The following AGAP2 variants were observed in gnomAD, a reference collection of about 807,000 sequenced individuals.
AGAP2 encodes arf-GAP with GTPase, ANK repeat and PH domain-containing protein 2.
In AGAP2, 32 loss-of-function variants were observed where a neutral mutation model predicts 110.9. The observed-to-expected ratio is 0.29, with a 90% CI of 0.22 to 0.39. The LOEUF is 0.39. Ranked by LOEUF, AGAP2 falls within the 10% of genes least tolerant of loss-of-function variation. The pLI, the probability that AGAP2 is intolerant of heterozygous loss-of-function variation, is 1.00. For missense variants in AGAP2, 1,285 were observed against 1,638.5 expected (o/e 0.78, Z 3.72); for synonymous variants, 702 against 713.0 (o/e 0.98, Z 0.25).
In AGAP2 at chr12:57,726,692, C is replaced by G. The variant is rs1954770228; in HGVS notation, c.3439G>C (p.Gly1147Arg). 1 of 1,233,418 alleles carries G rather than the reference C, an allele frequency of 8.1e-7. No individual in the cohort carries two copies. The highest frequency in any genetic ancestry group is 1.0e-6 in the Non-Finnish European group (1 of 987,128). 76.4% of individuals were successfully genotyped at this position (1,233,418 alleles called of 1,614,324 possible). ...QLCADILLQHGCPGEGGSAAT... is the reference protein window; with the variant it reads ...QLCADILLQHRCPGEGGSAAT... ...GCGCTGCCGCCCTCACCCGGGCAGC[C>G]GTGCTGGAGAAGGATGTCGGCGCAC... is the stretch of plus-strand genomic sequence containing the variant. Residue 1147 changes from glycine (G) to arginine (R), a missense_variant, in exon 19 of 19, where the codon GGC becomes CGC. By Grantham distance (125) the Gly-to-Arg change is moderately radical. Transcript: ENST00000547588. The surrounding 1 kb of genome is among the most constrained non-coding windows in gnomAD (Gnocchi z 5.7).
At position 57,727,439 on chromosome 12, in the gene AGAP2, C is replaced by T. The variant is rs763285168; in HGVS notation, c.3001G>A (p.Ala1001Thr). 1.4e-5 allele frequency: 22 copies of T among 1,613,728 alleles called. 2 individuals are homozygous for T. In the South Asian group the frequency reaches 2.3e-4, roughly 17 times the overall value. The change falls in exon 17 of 19, where the codon GCT becomes ACT. Residue 1001 changes from alanine to threonine, a missense_variant. Ala to Thr is a moderately conservative substitution (Grantham distance 58). Around this residue, in one of 7 missense-constraint regions of AGAP2, gnomAD observed 17 missense variants for 56.4 expected, o/e 0.30. Transcript: ENST00000547588. The stretch of plus-strand genomic sequence containing the variant: ...CGGTTGGCCGTGTCGTTGCCAATAG[C>T]CGTCAGCACCAGGGTCAGCTCCCGT... ...WPRELTLVLT[A>T]IGNDTANRVW...
chr12:57,731,761 G>C lies in AGAP2; in HGVS notation c.1953+48C>G, dbSNP rs376659402. On this transcript the variant is annotated intron_variant, in intron 8 of 18. Coordinates refer to ENST00000547588, the MANE Select transcript of AGAP2 (RefSeq NM_001122772.3). ...GTCTAGGGACTAGGGAAGATGGGCAGGTCATGGGGGACAGGAGGATGGGGG... is the reference window on the plus strand; with the variant it reads ...GTCTAGGGACTAGGGAAGATGGGCACGTCATGGGGGACAGGAGGATGGGGG... 5.1e-6 allele frequency: 8 copies of C among 1,562,888 alleles called. No individual in the cohort carries two copies. The African/African-American group carries it at 9.5e-5, about 19-fold the overall frequency.
Position 57,738,013 on chromosome 12 carries a change from G to A in AGAP2, c.234C>T (p.Ile78=), listed in dbSNP as rs1445956669. The A allele has an allele frequency of 6.0e-6, 9 of 1,511,080 alleles. No homozygotes were observed. Among genetic ancestry groups the A allele is most frequent in the Non-Finnish European group, 7.9e-6 (9 of 1,135,710 alleles). The allele number at this position is 1,511,080 out of a possible 1,614,324, so 93.6% of individuals were successfully genotyped here. A position where few individuals can be genotyped will look rare whatever the true frequency, so the allele number is the denominator to read the frequency against. ...CCCCGGTGCCCGCGCTGCTCGTGCT[G>A]ATCCACAGCGCATCCTGCCGGTGGA... ...RLFHRQDALW[I]STSSAGTGGA... The change falls in exon 1 of 19, where the codon ATC becomes ATT. Residue 78 remains isoleucine (I), a synonymous_variant. Transcript: ENST00000547588. This position sits in a 1 kb window ranked among gnomAD's most constrained non-coding sequence, Gnocchi z 6.7.
chr12:57,729,814 T>C (rs1337268894), intron 12 of AGAP2, 47 bp from the exon 13 acceptor site: 32 of 1,555,480 alleles, frequency 2.1e-5, no homozygotes, highest in Non-Finnish European at 2.4e-5. Flanking sequence ...TCCACAGATT[T>C]CCTGATTTCT....
intron 6 of AGAP2, 30 bp downstream of exon 6, chr12:57,732,815 C>T (rs1325123809): frequency 1.9e-6 from 3 of 1,613,090 alleles, no homozygotes; most frequent in Non-Finnish European, 2.5e-6. Context: ...GCTCTGGCTT[C>T]CCACATATGC....
chr12:57,736,956 G>A, intron 1 of AGAP2, 123 bp downstream of exon 1: 2 of 1,433,238 alleles, frequency 1.4e-6, no homozygotes, highest in Non-Finnish European at 1.8e-6. Flanking sequence ...AGAGGGGTGA[G>A]CTTGGTTCAT....
intron 9 of AGAP2, 21 bp from the exon 10 acceptor site, chr12:57,731,491 C>A (rs1555198758): frequency 6.2e-7 from 1 of 1,613,904 alleles, no homozygotes; most frequent in East Asian, 2.2e-5. Flanking sequence ...GGGAAAGACA[C>A]ATGTGGGAAA....
intron 11 of AGAP2, 45 bp from the exon 12 acceptor site, chr12:57,730,659 C>T: frequency 6.2e-7 from 1 of 1,606,850 alleles, no homozygotes; most frequent in Non-Finnish European, 8.5e-7. Flanking sequence ...TTCTTCTGGC[C>T]CCATTCCTTA....
upstream of AGAP2, among the ~76,000 whole-genome samples, chr12:57,738,844 G>C (rs1437255445): frequency 7.1e-6 from 1 of 139,904 alleles, no homozygotes; most frequent in Non-Finnish European, 1.6e-5. The surrounding 1 kb of genome is among the most constrained non-coding windows in gnomAD (Gnocchi z 6.7). Flanking sequence ...AGGTGGGTGG[G>C]AACCCACGGG....
In AGAP2 at chr12:57,732,930, T is replaced by C; in HGVS notation, c.1599A>G (p.Arg533=). The C allele has an allele frequency of 6.2e-7, 1 of 1,614,070 alleles. No individual in the cohort carries two copies. The highest frequency in any genetic ancestry group is 8.5e-7 in the Non-Finnish European group (1 of 1,180,024). ...SPRVVGDARA[R]ALCADMKRCS... is the part of the protein sequence containing the mutation. Reference sequence around the variant, plus strand: ...AGCGTTTCATGTCCGCGCACAGAGCTCTGGCACGAGCATCTCCCACCACCC... The same window carrying C: ...AGCGTTTCATGTCCGCGCACAGAGCCCTGGCACGAGCATCTCCCACCACCC... Residue 533 remains arginine, a synonymous_variant, in exon 6 of 19, where the codon AGA becomes AGG. Transcript: ENST00000547588.
intron 5 of AGAP2, 99 bp downstream of exon 5, chr12:57,733,927 A>G (rs1954930425): frequency 2.8e-6 from 4 of 1,416,618 alleles, no homozygotes; most frequent in African/African-American, 1.4e-5. Flanking sequence ...CCAAGTGGCC[A>G]TTTCCACACC....
intron 5 of AGAP2, 152 bp from the exon 6 acceptor site, chr12:57,733,131 G>T: frequency 9.8e-7 from 1 of 1,017,334 alleles, no homozygotes; most frequent in African/African-American, 1.6e-5. Flanking sequence ...TGGAATGGGA[G>T]TACATAAGCC....
Position 57,726,158 on chromosome 12 carries a change from T to C in AGAP2, c.*394A>G, listed in dbSNP as rs1360204345. ...GTCGCCCCAGGAGCCAGCCTGGGTA[T>C]GGGCTCCCGCCCTGGGATTGTTGAG... is the stretch of plus-strand genomic sequence containing the variant. On this transcript the variant is annotated 3_prime_UTR_variant, in exon 19 of 19. Coordinates refer to ENST00000547588, the MANE Select transcript of AGAP2 (RefSeq NM_001122772.3). The surrounding 1 kb of genome is among the most constrained non-coding windows in gnomAD (Gnocchi z 5.7). 1 of 155,784 alleles carries C rather than the reference T, an allele frequency of 6.4e-6. No homozygotes were observed. 9.7% of individuals were successfully genotyped at this position (155,784 alleles called of 1,614,324 possible).
intron 5 of AGAP2, 49 bp from the exon 6 acceptor site, chr12:57,733,028 T>G: frequency 1.9e-6 from 3 of 1,609,994 alleles, no homozygotes; most frequent in Non-Finnish European, 2.5e-6. Flanking sequence ...CCCACCTTGT[T>G]CGATTTTTCA....
Position 57,734,105 on chromosome 12 carries a change from C to T in AGAP2, c.1470G>A (p.Val490=). Residue 490 remains valine (V), a synonymous_variant, in exon 5 of 19, where the codon GTG becomes GTA. Coordinates refer to ENST00000547588, the MANE Select transcript of AGAP2 (RefSeq NM_001122772.3). ...AACTCAGCTGCCCATGGAGACGGCTCACAGCCTGGAAACTGTTCTCATCCT... is the reference window on the plus strand; with the variant it reads ...AACTCAGCTGCCCATGGAGACGGCTTACAGCCTGGAAACTGTTCTCATCCT... The part of the protein sequence containing the change: ...SLEDENSFQA[V]SRLHGQLSSL... 1 of 1,613,796 alleles carries T rather than the reference C, an allele frequency of 6.2e-7. No individual in the cohort carries two copies. Among genetic ancestry groups the T allele is most frequent in the East Asian group, 2.2e-5 (1 of 44,876 alleles).
chr12:57,727,783 G>T lies in AGAP2; in HGVS notation c.2767-12C>A. ...CTGTCTGTGCGCAGCTGCAGAGAGGGTTTGGGTTGGCACTGACTCTGCCTC... is the reference window on the plus strand; with the variant it reads ...CTGTCTGTGCGCAGCTGCAGAGAGGTTTTGGGTTGGCACTGACTCTGCCTC... On this transcript the variant is annotated splice_polypyrimidine_tract_variant and intron_variant, in intron 15 of 18. Coordinates refer to ENST00000547588, the MANE Select transcript of AGAP2 (RefSeq NM_001122772.3). 1.3e-6 allele frequency: 2 copies of T among 1,575,222 alleles called. No homozygotes were observed. The highest frequency in any genetic ancestry group is 8.6e-7 in the Non-Finnish European group (1 of 1,159,690).
intron 12 of AGAP2, 184 bp downstream of exon 12, chr12:57,730,311 C>T (rs892963910): frequency 8.0e-6 from 7 of 878,568 alleles, no homozygotes; most frequent in East Asian, 2.8e-5. Flanking sequence ...AGGCAGTTGA[C>T]GTTAGAGTCC....
rs374499322 is a variant in AGAP2 at position 57,726,514 on chromosome 12, G to A, written c.*38C>T. The stretch of plus-strand genomic sequence containing the variant: ...GGTCCGCCCGGTGTGGTCGTGCCCG[G>A]CCCGCGTGGGGATGGGGGTGTCTCT... On this transcript the variant is annotated 3_prime_UTR_variant, in exon 19 of 19. Transcript: ENST00000547588. The surrounding 1 kb of genome is among the most constrained non-coding windows in gnomAD (Gnocchi z 5.7). 5.0e-6 allele frequency: 6 copies of A among 1,201,184 alleles called. No homozygotes were observed. The highest frequency in any genetic ancestry group is 8.1e-5 in the Admixed American group (2 of 24,600). 74.4% of individuals were successfully genotyped at this position (1,201,184 alleles called of 1,614,324 possible). A position where few individuals can be genotyped will look rare whatever the true frequency, so the allele number is the denominator to read the frequency against.
chr12:57,735,695 T>A (rs1277161703), intron 1 of AGAP2, among the ~76,000 whole-genome samples: 1 of 152,142 alleles, frequency 6.6e-6, no homozygotes, highest in Non-Finnish European at 1.5e-5. Flanking sequence ...TTAAAGCACA[T>A]CCCCAAACGC....
Sources: allele counts gnomAD v4.1 joint callset (sites outside exome capture counted in the v4.1 genomes callset), GRCh38; gene constraint gnomAD v4.1.1; regional missense constraint gnomAD v4.1.1; non-coding constraint Gnocchi (gnomAD v3.1); transcripts MANE v1.5; gene names NCBI Gene and HGNC (gene_info 2026-07-23, HGNC 2026-07-21).